CAPN9: variants seen among roughly 807,000 people sequenced by gnomAD.
CAPN9 encodes calpain-9.
Under a neutral mutation model 92.8 loss-of-function variants are expected in CAPN9, and 81 were observed. The observed-to-expected ratio is 0.87, with a 90% CI of 0.73 to 1.05. CAPN9 has a LOEUF of 1.05. Among genes scored for constraint, CAPN9 ranks in the 50% least tolerant of loss-of-function variants. The probability of loss-of-function intolerance (pLI) is 0.00; values close to 1 mark genes in which losing one functional copy is unlikely to be tolerated. For synonymous variants in CAPN9, 304 were observed against 328.0 expected, an observed-to-expected ratio of 0.93 and a Z score of 0.79; for missense variants, 848 against 866.2, an observed-to-expected ratio of 0.98 and a Z score of 0.26.
At chr1:230,751,593 GAAAGAAAGAAAGAAAGA>G (rs1664789225) in intron 1 of CAPN9, among the ~76,000 whole-genome samples, 1 of 16,080 alleles carries the variant, frequency 6.2e-5, no homozygotes, top group Non-Finnish European at 1.2e-4. Flanking sequence ...AACAAAGAAA[GAAAGAAAGAAAGAAAGA>G]GAAAGAAAGA....
In CAPN9 at chr1:230,798,173, G is replaced by C. The variant is rs1422127632; in HGVS notation, c.1999G>C (p.Ala667Pro). Residue 667 changes from alanine (A) to proline (P), a missense_variant, in exon 19 of 20, where the codon GCT becomes CCT. Transcript: ENST00000271971. ...TTCTCTCCTATCAGGGGTGTTCCAGGCTCTCAGTACAAAGAACAAGGAGTT... is the reference window on the plus strand; with the variant it reads ...TTCTCTCCTATCAGGGGTGTTCCAGCCTCTCAGTACAAAGAACAAGGAGTT... ...RLENASRVFQ[A>P]LSTKNKEFIH... is the part of the protein sequence containing the mutation. 3 of 1,609,666 alleles carry C rather than the reference G, an allele frequency of 1.9e-6. No individual in the cohort carries two copies. The highest frequency in any genetic ancestry group is 1.7e-5 in the Admixed American group (1 of 60,008).
intron 11 of CAPN9, 25 bp from the exon 12 acceptor site, chr1:230,785,956 G>T: frequency 6.2e-7 from 1 of 1,611,504 alleles, no homozygotes; most frequent in Non-Finnish European, 8.5e-7. Flanking sequence ...CACAATTGAG[G>T]CAGTGTGTTT....
Position 230,774,619 on chromosome 1 carries a change from A to G in CAPN9, c.941A>G (p.Asp314Gly), listed in dbSNP as rs748009160. 3 of 1,612,740 alleles carry G rather than the reference A, an allele frequency of 1.9e-6. No individual in the cohort carries two copies. Among genetic ancestry groups the G allele is most frequent in the Non-Finnish European group, 2.5e-6 (3 of 1,179,064 alleles). Residue 314 changes from aspartate (D) to glycine (G), a missense_variant, in exon 8 of 20, where the codon GAT becomes GGT. Asp to Gly is a moderately conservative substitution (Grantham distance 94, BLOSUM62 -1). Coordinates refer to ENST00000271971, the MANE Select transcript of CAPN9 (RefSeq NM_006615.3). ...QKRLCHTALD[D>G]GEFWMAFKDF... ...CGTCTGTGTCACACTGCTCTGGATG[A>G]TGGGGAATTCTGGTACCGTGCTTGT...
At chr1:230,797,426 G>A (rs1668428028) in intron 18 of CAPN9, among the ~76,000 whole-genome samples, 1 of 152,158 alleles carries the variant, frequency 6.6e-6, no homozygotes, top group South Asian at 2.1e-4. Context: ...TCATGCCCAA[G>A]TCTTCCAGGC....
chr1:230,796,665 A>C (rs1456649271), intron 18 of CAPN9, among the ~76,000 whole-genome samples: 1 of 152,188 alleles, frequency 6.6e-6, no homozygotes. Context: ...TGAGAGGTGC[A>C]TTCTAGAAAG....
At chr1:230,783,949 C>T (rs1188454025) in intron 11 of CAPN9, among the ~76,000 whole-genome samples, 1 of 152,186 alleles carries the variant, frequency 6.6e-6, no homozygotes, top group Non-Finnish European at 1.5e-5. Context: ...AAAGGAGGAA[C>T]TCATTGGGAA....
chr1:230,776,964 A>T (rs1253830159), intron 8 of CAPN9: 2 of 152,220 alleles, frequency 1.3e-5, no homozygotes, highest in Non-Finnish European at 2.9e-5. Flanking sequence ...TGTGGAACAC[A>T]TGCAGGGTGC....
chr1:230,786,751 G>C (rs1256021390), intron 12 of CAPN9, among the ~76,000 whole-genome samples: 1 of 144,100 alleles, frequency 6.9e-6, no homozygotes, highest in Non-Finnish European at 1.5e-5. Context: ...TTCTGAAGTG[G>C]GTAGACTTTT....
chr1:230,758,570 G>A (rs899111708), intron 2 of CAPN9, among the ~76,000 whole-genome samples: 5 of 152,120 alleles, frequency 3.3e-5, no homozygotes, highest in East Asian at 1.9e-4. Flanking sequence ...TAGCTTTCCC[G>A]ATGTTCAGCC....
intron 19 of CAPN9, among the ~76,000 whole-genome samples, chr1:230,800,260 AAG>A (rs1461688322): frequency 1.5e-5 from 2 of 131,046 alleles, no homozygotes; most frequent in Admixed American, 8.2e-5. Context: ...GAAAGAAAGA[AAG>A]AAAGAAAGAA....
intron 1 of CAPN9, among the ~76,000 whole-genome samples, chr1:230,753,786 A>C (rs1472184186): frequency 1.3e-5 from 2 of 151,632 alleles, no homozygotes; most frequent in African/African-American, 4.8e-5. Context: ...GTGAGCCAGA[A>C]CGGGCCTCGC....
At chr1:230,780,105 TGTGTGTG>T in intron 9 of CAPN9, 67 bp from the exon 10 acceptor site, 1 of 942,592 alleles carries the variant, frequency 1.1e-6, no homozygotes, top group Non-Finnish European at 1.6e-6. Flanking sequence ...TGTGTGTGTG[TGTGTGTG>T]TGTGTGTGTG....
chr1:230,800,164 T>C (rs1334592608), intron 19 of CAPN9, among the ~76,000 whole-genome samples: 1 of 137,554 alleles, frequency 7.3e-6, no homozygotes, highest in Non-Finnish European at 1.5e-5. Context: ...GGCGACAGAG[T>C]GAGACTCCAT....
chr1:230,780,154 A>G lies in CAPN9; in HGVS notation c.1115-25A>G, dbSNP rs147628627. 79 of 1,603,162 alleles carry G rather than the reference A, an allele frequency of 4.9e-5. No individual in the cohort carries two copies. The Admixed American group carries it at 7.5e-4, about 15-fold the overall frequency. Reference sequence around the variant, plus strand: ...GTGGGTTGTTTTTTAAAAGGGGAAAATAATCTACCTCTCCCAAATGACAGA... The same window carrying G: ...GTGGGTTGTTTTTTAAAAGGGGAAAGTAATCTACCTCTCCCAAATGACAGA... On this transcript the variant is annotated intron_variant, in intron 9 of 19. Transcript: ENST00000271971.
chr1:230,751,872 G>T (rs1245850812), intron 1 of CAPN9, among the ~76,000 whole-genome samples: 3 of 142,212 alleles, frequency 2.1e-5, no homozygotes, highest in African/African-American at 7.7e-5. Flanking sequence ...AGGGGAGGGG[G>T]AGGGGGAGGG....
At chr1:230,800,307 G>GAAAGAAAGA (rs1668647649) in intron 19 of CAPN9, among the ~76,000 whole-genome samples, 1 of 50,640 alleles carries the variant, frequency 2.0e-5, no homozygotes, top group Non-Finnish European at 4.3e-5. Context: ...AGAAAGAAAG[G>GAAAGAAAGA]AAAAACAAGA....
intron 3 of CAPN9, among the ~76,000 whole-genome samples, chr1:230,760,185 G>C (rs28359613): frequency 0.094 from 14,221 of 152,000 alleles, 1,045 homozygotes; most frequent in East Asian, 0.27. Flanking sequence ...TATCCCTCCA[G>C]TCTCTCCTCC....
chr1:230,795,622 T>G, intron 18 of CAPN9: 1 of 231,236 alleles, frequency 4.3e-6, no homozygotes, highest in Non-Finnish European at 8.7e-6. Context: ...TCAGTCCCCC[T>G]TCCTCCCCCC....
At chr1:230,792,783 A>G in intron 16 of CAPN9, 67 bp from the exon 17 acceptor site, 1 of 1,364,306 alleles carries the variant, frequency 7.3e-7, no homozygotes, top group Non-Finnish European at 1.0e-6. Flanking sequence ...GCTGTCACCC[A>G]TTTACTGCCA....
Sources: allele counts gnomAD v4.1 joint callset (sites outside exome capture counted in the v4.1 genomes callset), GRCh38; gene constraint gnomAD v4.1.1; transcripts MANE v1.5; gene names NCBI Gene and HGNC (gene_info 2026-07-23, HGNC 2026-07-21).